PDCD11: variants seen among roughly 807,000 people sequenced by gnomAD.
The protein encoded by PDCD11 is protein RRP5 homolog.
A neutral mutation model predicts 198.9 loss-of-function variants in PDCD11; 97 were observed. The ratio of observed to expected loss-of-function variants is 0.49; its 90% CI spans 0.41 to 0.58. The LOEUF (loss-of-function observed/expected upper bound fraction) is 0.58. PDCD11 is among the 20% of genes least tolerant of loss of function. The pLI, the probability that PDCD11 is intolerant of heterozygous loss-of-function variation, is 0.00. For synonymous variants in PDCD11, 893 were observed against 918.0 expected, an observed-to-expected ratio of 0.97 and a Z score of 0.49; for missense variants, 2,102 against 2,312.7, an observed-to-expected ratio of 0.91 and a Z score of 1.87.
intron 21 of PDCD11, among the ~76,000 whole-genome samples, chr10:103,427,919 G>T (rs141443862): frequency 7.9e-4 from 120 of 152,252 alleles, no homozygotes; most frequent in African/African-American, 2.7e-3. Context: ...AGGTGTGTAT[G>T]ACCTTAATTA....
chr10:103,425,041 A>G lies in PDCD11; in HGVS notation c.2821A>G (p.Ile941Val), dbSNP rs1274352965. ...GCAGCACTTGGAGAAGTCCTTTGCC[A>G]TTGCCTCCTTGGTAGAGACGGGCCA... ...IVQHLEKSFAIASLVETGHLA... is the reference protein window; with the variant it reads ...IVQHLEKSFAVASLVETGHLA... The change falls in exon 20 of 36, where the codon ATT becomes GTT. Residue 941 changes from isoleucine to valine, a missense_variant. Ile to Val is a conservative substitution (Grantham distance 29). Coordinates refer to ENST00000369797, the MANE Select transcript of PDCD11 (RefSeq NM_014976.2). 1 of 1,614,220 alleles carries G rather than the reference A, an allele frequency of 6.2e-7. No homozygotes were observed. Among genetic ancestry groups the G allele is most frequent in the Non-Finnish European group, 8.5e-7 (1 of 1,180,036 alleles).
chr10:103,404,870 C>T, intron 4 of PDCD11, 152 bp from the exon 5 acceptor site: 1 of 621,090 alleles, frequency 1.6e-6, no homozygotes. Flanking sequence ...GGCCACAGAC[C>T]CAACTTCCTT....
chr10:103,412,253 C>T (rs1160939342), intron 8 of PDCD11, among the ~76,000 whole-genome samples: 2 of 151,722 alleles, frequency 1.3e-5, no homozygotes, highest in African/African-American at 2.4e-5. Flanking sequence ...CTCTGCCTCC[C>T]CATTTTAAGT....
In PDCD11 at chr10:103,443,898, C is replaced by T. The variant is rs2032492620; in HGVS notation, c.5125-17C>T. Reference sequence around the variant, plus strand: ...TAGTATCACACTCTCCTCAGCGTGCCTCGTCTTTTCCCACAGGAAGCTGGT... The same window carrying T: ...TAGTATCACACTCTCCTCAGCGTGCTTCGTCTTTTCCCACAGGAAGCTGGT... On this transcript the variant is annotated splice_polypyrimidine_tract_variant and intron_variant, in intron 33 of 35. Coordinates refer to ENST00000369797, the MANE Select transcript of PDCD11 (RefSeq NM_014976.2). 6.2e-7 allele frequency: 1 copy of T among 1,613,296 alleles called. No homozygotes were observed. The highest frequency in any genetic ancestry group is 8.5e-7 in the Non-Finnish European group (1 of 1,179,464).
At chr10:103,406,396 T>C (rs999754339) in intron 6 of PDCD11, among the ~76,000 whole-genome samples, 5 of 152,124 alleles carry the variant, frequency 3.3e-5, no homozygotes, top group African/African-American at 4.8e-5. Flanking sequence ...TCTCCTGGCT[T>C]GTGTATTTTT....
At chr10:103,436,918 T>C (rs944638380) in intron 25 of PDCD11, among the ~76,000 whole-genome samples, 4 of 152,214 alleles carry the variant, frequency 2.6e-5, no homozygotes, top group Non-Finnish European at 5.9e-5. Flanking sequence ...ATGAAATGTT[T>C]AGAGATGCAA....
At chr10:103,401,290 T>A (rs572488244) in intron 3 of PDCD11, among the ~76,000 whole-genome samples, 210 of 152,332 alleles carry the variant, frequency 1.4e-3, no homozygotes, top group Non-Finnish European at 2.4e-3. Context: ...TTATTTATTT[T>A]GAGACGGAAT....
At chr10:103,406,981 A>G (rs935215733) in intron 7 of PDCD11, among the ~76,000 whole-genome samples, 191 bp downstream of exon 7, 21 of 152,238 alleles carry the variant, frequency 1.4e-4, no homozygotes, top group African/African-American at 4.6e-4. Context: ...AAAAAACTAT[A>G]CTAAAAAGTC....
At chr10:103,418,685 G>A in intron 15 of PDCD11, 51 bp downstream of exon 15, 2 of 1,469,328 alleles carry the variant, frequency 1.4e-6, no homozygotes, top group Non-Finnish European at 1.9e-6. Context: ...GGCCATGGGT[G>A]CTTGGATGGG....
chr10:103,438,125 G>T, intron 26 of PDCD11, 54 bp downstream of exon 26: 1 of 1,458,778 alleles, frequency 6.9e-7, no homozygotes, highest in South Asian at 1.1e-5. Flanking sequence ...TCAGGATCAA[G>T]GGGAGGCTAC....
At chr10:103,442,569 C>T in intron 32 of PDCD11, 109 bp downstream of exon 32, 2 of 1,267,040 alleles carry the variant, frequency 1.6e-6, no homozygotes, top group African/African-American at 1.5e-5. Context: ...TTTTGGGTGG[C>T]TGCCACCAGG....
At chr10:103,434,170 T>A (rs191460820) in intron 23 of PDCD11, 78 bp from the exon 24 acceptor site, 1 of 1,220,220 alleles carries the variant, frequency 8.2e-7, no homozygotes, top group Admixed American at 1.7e-5. Context: ...GATACTTGCT[T>A]TGGAGACTTA....
chr10:103,404,480 G>T (rs2030317120), intron 4 of PDCD11, among the ~76,000 whole-genome samples: 2 of 151,998 alleles, frequency 1.3e-5, no homozygotes, highest in African/African-American at 2.4e-5. Flanking sequence ...TGTATTTTTA[G>T]TAGAGACAGG....
At chr10:103,416,952 C>A (rs887253095) in intron 13 of PDCD11, among the ~76,000 whole-genome samples, 15 of 152,200 alleles carry the variant, frequency 9.9e-5, no homozygotes, top group Non-Finnish European at 2.2e-4. Flanking sequence ...GCTGATGGAT[C>A]TCAGGCACGC....
At chr10:103,411,773 A>T (rs535359372) in intron 8 of PDCD11, among the ~76,000 whole-genome samples, 1 of 152,068 alleles carries the variant, frequency 6.6e-6, no homozygotes, top group African/African-American at 2.4e-5. Context: ...CTTTTTAGTA[A>T]TTTTTTTCAC....
chr10:103,426,832 C>CT (rs1371462050), intron 20 of PDCD11, among the ~76,000 whole-genome samples: 2 of 151,376 alleles, frequency 1.3e-5, no homozygotes, highest in East Asian at 3.9e-4. Flanking sequence ...TGGCTGAACC[C>CT]TGTAATCCCA....
chr10:103,418,650 A>G lies in PDCD11; in HGVS notation c.2106+16A>G. The G allele has an allele frequency of 2.5e-6, 4 of 1,608,880 alleles. No homozygotes were observed. In the South Asian group the frequency reaches 3.3e-5, roughly 13 times the overall value. On this transcript the variant is annotated intron_variant, in intron 15 of 35. Coordinates refer to ENST00000369797, the MANE Select transcript of PDCD11 (RefSeq NM_014976.2). ...GGGGCGTGTTGTATCCTTGACTGGT[A>G]TCTGTGGAGCAGAGGAAGGTGGGGG...
chr10:103,407,207 C>A (rs960513783), intron 7 of PDCD11, among the ~76,000 whole-genome samples: 6 of 152,148 alleles, frequency 3.9e-5, no homozygotes, highest in Non-Finnish European at 2.9e-5. Flanking sequence ...TAAGCTTCTG[C>A]TGGTATCTCT....
chr10:103,400,036 G>T (rs1386005626), intron 2 of PDCD11, among the ~76,000 whole-genome samples: 2 of 152,136 alleles, frequency 1.3e-5, no homozygotes, highest in African/African-American at 2.4e-5. Context: ...TGGTGGAAAA[G>T]ATGAGAATTT....
Sources: gnomAD v4.1 joint callset for allele counts (sites outside exome capture counted in the v4.1 genomes callset) on GRCh38, gnomAD v4.1.1 for gene constraint, MANE v1.5 for transcripts, NCBI Gene and HGNC (gene_info 2026-07-23, HGNC 2026-07-21) for gene names.